The following SAMMSON variants were observed in gnomAD, a reference collection of about 807,000 sequenced individuals.
The protein encoded by SAMMSON is long intergenic non-protein coding RNA 1212.
At chr3:70,118,188 C>G (rs1269853448) in intron 4 of SAMMSON, among the ~76,000 whole-genome samples, 2 of 152,182 alleles carry the variant, frequency 1.3e-5, no homozygotes, top group Admixed American at 1.3e-4. Context: ...TCCCAAAGTG[C>G]TGGGATTACA....
chr3:70,078,788 G>A (rs2067258020), intron 4 of SAMMSON, among the ~76,000 whole-genome samples: 1 of 152,108 alleles, frequency 6.6e-6, no homozygotes, highest in Non-Finnish European at 1.5e-5. Flanking sequence ...GCACGTTCAG[G>A]GTCATGGAAG....
At chr3:70,287,359 T>C (rs1702177081) in intron 6 of SAMMSON, among the ~76,000 whole-genome samples, 2 of 149,850 alleles carry the variant, frequency 1.3e-5, no homozygotes, top group South Asian at 4.4e-4. Context: ...CTGGATTACA[T>C]TTATTGATTT....
intron 6 of SAMMSON, among the ~76,000 whole-genome samples, chr3:70,289,138 C>T (rs1282455027): frequency 6.6e-6 from 1 of 151,242 alleles, no homozygotes; most frequent in Non-Finnish European, 1.5e-5. Context: ...TTAGTTGATG[C>T]AGTTTCTTCC....
intron 7 of SAMMSON, among the ~76,000 whole-genome samples, chr3:70,294,424 A>G (rs2106696073): frequency 6.6e-6 from 1 of 152,304 alleles, no homozygotes; most frequent in African/African-American, 2.4e-5. Context: ...ACGTAGGAGA[A>G]TATAGAAAGG....
chr3:70,211,136 TC>T (rs1701340669), intron 4 of SAMMSON, among the ~76,000 whole-genome samples: 1 of 152,130 alleles, frequency 6.6e-6, no homozygotes, highest in African/African-American at 2.4e-5. Context: ...GTCCTCTGAT[TC>T]TATTCTTGTT....
intron 7 of SAMMSON, among the ~76,000 whole-genome samples, chr3:70,346,742 T>C (rs1465141364): frequency 1.3e-5 from 2 of 152,216 alleles, no homozygotes; most frequent in African/African-American, 4.8e-5. Context: ...TTTCTAATTC[T>C]AAAATTCTTA....
intron 9 of SAMMSON, among the ~76,000 whole-genome samples, chr3:70,366,494 T>TTTTG (rs1553659161): frequency 9.1e-6 from 1 of 109,706 alleles, no homozygotes; most frequent in Non-Finnish European, 1.9e-5. Context: ...GTTTTTATGT[T>TTTTG]TTTTTTTTTT....
chr3:70,151,299 C>T (rs7431658), intron 4 of SAMMSON, among the ~76,000 whole-genome samples: 5,191 of 151,864 alleles, frequency 0.034, 123 homozygotes, highest in South Asian at 0.096. Flanking sequence ...AGGATGGTGT[C>T]GGGGTGTTCA....
chr3:70,236,272 C>T (rs1478707541), intron 4 of SAMMSON, among the ~76,000 whole-genome samples: 1 of 152,154 alleles, frequency 6.6e-6, no homozygotes, highest in Non-Finnish European at 1.5e-5. Context: ...TTTCCAGAGA[C>T]ATCACTTTGA....
intron 4 of SAMMSON, among the ~76,000 whole-genome samples, chr3:70,195,094 T>A (rs1260566841): frequency 6.6e-6 from 1 of 152,198 alleles, no homozygotes; most frequent in Non-Finnish European, 1.5e-5. Flanking sequence ...TTCCTGACAC[T>A]GCCAATAATT....
chr3:70,251,015 T>C (rs933245075), intron 6 of SAMMSON, among the ~76,000 whole-genome samples: 26 of 152,220 alleles, frequency 1.7e-4, no homozygotes, highest in African/African-American at 6.0e-4. Context: ...GAAATCACCA[T>C]TTAAACGCCT....
At chr3:70,137,506 C>T (rs1282817931) in intron 4 of SAMMSON, 1 of 152,138 alleles carries the variant, frequency 6.6e-6, no homozygotes, top group African/African-American at 2.4e-5. Flanking sequence ...CAATCATGCT[C>T]ATTTTTTTTA....
intron 4 of SAMMSON, among the ~76,000 whole-genome samples, chr3:70,156,369 T>G (rs2067591895): frequency 6.6e-6 from 1 of 152,048 alleles, no homozygotes; most frequent in African/African-American, 2.4e-5. Flanking sequence ...TTGAGCCCAG[T>G]GTATATTTGA....
At chr3:70,276,220 T>C (rs946476555) in intron 6 of SAMMSON, among the ~76,000 whole-genome samples, 13 of 152,202 alleles carry the variant, frequency 8.5e-5, no homozygotes, top group African/African-American at 2.9e-4. Context: ...AAATAATTTC[T>C]TGCAATACAA....
chr3:70,106,656 A>C (rs1005886136), intron 4 of SAMMSON, among the ~76,000 whole-genome samples: 3 of 152,000 alleles, frequency 2.0e-5, no homozygotes, highest in Non-Finnish European at 4.4e-5. Flanking sequence ...TGCATTTGTA[A>C]CAAGCTCCCA....
At chr3:70,379,372 G>T (rs894259871) in intron 9 of SAMMSON, among the ~76,000 whole-genome samples, 1 of 152,168 alleles carries the variant, frequency 6.6e-6, no homozygotes, top group African/African-American at 2.4e-5. Flanking sequence ...CTTGTTTGGG[G>T]AGAAGACTCT....
chr3:70,173,495 C>T (rs1559528042), intron 4 of SAMMSON, among the ~76,000 whole-genome samples: 1 of 151,818 alleles, frequency 6.6e-6, no homozygotes, highest in Admixed American at 6.6e-5. Context: ...ATATGGTATA[C>T]GTTTTAAATC....
intron 6 of SAMMSON, among the ~76,000 whole-genome samples, chr3:70,261,814 G>A (rs1011047549): frequency 6.6e-6 from 1 of 152,168 alleles, no homozygotes; most frequent in Non-Finnish European, 1.5e-5. Context: ...GTGGAACCAA[G>A]AAGACTAGGA....
At chr3:70,285,843 G>A (rs1702156743) in intron 6 of SAMMSON, among the ~76,000 whole-genome samples, 1 of 152,054 alleles carries the variant, frequency 6.6e-6, no homozygotes. Flanking sequence ...TTTTTTGGCT[G>A]CATAAATGTC....
Sources: gnomAD v4.1 joint callset for allele counts (sites outside exome capture counted in the v4.1 genomes callset) on GRCh38, gnomAD v4.1.1 for gene constraint, MANE v1.5 for transcripts, NCBI Gene and HGNC (gene_info 2026-07-23, HGNC 2026-07-21) for gene names.